PTPN1: variants seen among roughly 807,000 people sequenced by gnomAD.
PTPN1 encodes protein tyrosine phosphatase non-receptor type 1.
PTPN1 carries 12 observed loss-of-function variants against 59.9 expected under a neutral mutation model. That is an observed-to-expected ratio of 0.20 (90% confidence interval 0.13 to 0.32). The LOEUF (loss-of-function observed/expected upper bound fraction) is 0.32. Ranked by LOEUF, PTPN1 falls within the 10% of genes least tolerant of loss-of-function variation. PTPN1 has a pLI of 1.00. For synonymous variants in PTPN1, 178 were observed against 203.6 expected, an observed-to-expected ratio of 0.87 and a Z score of 1.07; for missense variants, 356 against 549.2, an observed-to-expected ratio of 0.65 and a Z score of 3.52.
At chr20:50,540,390 A>T (rs2082646064) in intron 1 of PTPN1, among the ~76,000 whole-genome samples, 1 of 152,214 alleles carries the variant, frequency 6.6e-6, no homozygotes, top group South Asian at 2.1e-4. Context: ...TTTAAACTTA[A>T]CAGAAAAATT....
intron 1 of PTPN1, among the ~76,000 whole-genome samples, chr20:50,552,311 T>G (rs762832913): frequency 4.6e-5 from 7 of 152,244 alleles, no homozygotes; most frequent in Admixed American, 3.3e-4. Flanking sequence ...CATATACCAT[T>G]CTAAAGTAGA....
intron 7 of PTPN1, 90 bp downstream of exon 7, chr20:50,579,419 G>T: frequency 7.1e-7 from 1 of 1,402,800 alleles, no homozygotes; most frequent in South Asian, 1.3e-5. Flanking sequence ...TTCAAACACC[G>T]TCTGGTGTCA....
intron 1 of PTPN1, among the ~76,000 whole-genome samples, chr20:50,545,799 T>G (rs1208482963): frequency 6.6e-6 from 1 of 152,018 alleles, no homozygotes; most frequent in Non-Finnish European, 1.5e-5. Flanking sequence ...GCAGATCGCT[T>G]GAGCCCAGGA....
At chr20:50,524,588 T>TTTTTTTG (rs2082565711) in intron 1 of PTPN1, among the ~76,000 whole-genome samples, 1 of 136,720 alleles carries the variant, frequency 7.3e-6, no homozygotes, top group Non-Finnish European at 1.6e-5. Context: ...TTTTTTTTTT[T>TTTTTTTG]TTTTTTGAGG....
chr20:50,541,922 A>G (rs1042419029), intron 1 of PTPN1, among the ~76,000 whole-genome samples: 8 of 152,080 alleles, frequency 5.3e-5, no homozygotes, highest in Non-Finnish European at 1.0e-4. Flanking sequence ...TTACTCCTAA[A>G]TTTGCTACTC....
intron 1 of PTPN1, among the ~76,000 whole-genome samples, chr20:50,525,589 A>G (rs2082571112): frequency 6.6e-6 from 1 of 150,664 alleles, no homozygotes; most frequent in Admixed American, 6.6e-5. Context: ...TGAGGATTAT[A>G]TACAGAAGTA....
intron 1 of PTPN1, among the ~76,000 whole-genome samples, chr20:50,556,636 A>C (rs532470792): frequency 2.0e-5 from 3 of 152,352 alleles, no homozygotes; most frequent in South Asian, 4.1e-4. Context: ...GGAGTCAAAT[A>C]GTACCGTAAT....
intron 1 of PTPN1, among the ~76,000 whole-genome samples, chr20:50,518,679 G>A (rs190933184): frequency 6.6e-6 from 1 of 152,156 alleles, no homozygotes; most frequent in Admixed American, 6.5e-5. Context: ...GAACTGAACT[G>A]TATCTTGACA....
chr20:50,557,297 C>T (rs777872096), intron 1 of PTPN1, among the ~76,000 whole-genome samples: 69 of 152,248 alleles, frequency 4.5e-4, no homozygotes, highest in Middle Eastern at 3.4e-3. Flanking sequence ...GTGGCACCAT[C>T]GTAGCTCACT....
intron 4 of PTPN1, among the ~76,000 whole-genome samples, chr20:50,569,327 T>G (rs2082794925): frequency 6.6e-6 from 1 of 152,236 alleles, no homozygotes; most frequent in South Asian, 2.1e-4. Flanking sequence ...GTTTTCTGTT[T>G]TTAGTTTCTT....
At chr20:50,560,053 C>G (rs543289036) in intron 1 of PTPN1, among the ~76,000 whole-genome samples, 1 of 152,172 alleles carries the variant, frequency 6.6e-6, no homozygotes, top group South Asian at 2.1e-4. Flanking sequence ...GTTGTGCATT[C>G]TGAGGATACC....
At chr20:50,542,375 G>A (rs984608001) in intron 1 of PTPN1, among the ~76,000 whole-genome samples, 6 of 152,160 alleles carry the variant, frequency 3.9e-5, no homozygotes, top group African/African-American at 1.4e-4. Flanking sequence ...CATTCTAATA[G>A]TGATTTTTTT....
chr20:50,563,641 A>C (rs1187512869), intron 2 of PTPN1, among the ~76,000 whole-genome samples: 4 of 152,210 alleles, frequency 2.6e-5, no homozygotes, highest in African/African-American at 9.7e-5. Context: ...GCTAGTTTTC[A>C]AAGACATCTC....
intron 5 of PTPN1, among the ~76,000 whole-genome samples, chr20:50,576,712 C>CAA (rs760227658): frequency 5.2e-5 from 7 of 134,724 alleles, no homozygotes; most frequent in Admixed American, 1.5e-4. Context: ...ACTAAAAATA[C>CAA]AAAAAAAAAA....
intron 4 of PTPN1, chr20:50,571,998 T>C (rs2082812109): frequency 6.6e-6 from 1 of 152,250 alleles, no homozygotes; most frequent in Non-Finnish European, 1.5e-5. Flanking sequence ...TGTTAAGAAT[T>C]ACTTACTTAG....
At chr20:50,514,112 CT>C (rs2082518812) in intron 1 of PTPN1, among the ~76,000 whole-genome samples, 1 of 152,150 alleles carries the variant, frequency 6.6e-6, no homozygotes, top group Admixed American at 6.5e-5. Context: ...AAGGAAAGAA[CT>C]TTTTGCTATT....
chr20:50,521,932 G>C (rs555454774), intron 1 of PTPN1, among the ~76,000 whole-genome samples: 3 of 152,154 alleles, frequency 2.0e-5, no homozygotes, highest in Non-Finnish European at 4.4e-5. Context: ...TGTCCTTGTC[G>C]GTGTACACTA....
rs184241278 is a variant in PTPN1 at position 50,530,635 on chromosome 20, C to G, written c.63+20045C>G. On this transcript the variant is annotated intron_variant, in intron 1 of 9. Coordinates refer to ENST00000371621, the MANE Select transcript of PTPN1 (RefSeq NM_002827.4). Reference sequence around the variant, plus strand: ...GCCTCCCAAAGTGCTGGGATTACAACTGCTGGGATTACAAGTGCTGGGATT... The same window carrying G: ...GCCTCCCAAAGTGCTGGGATTACAAGTGCTGGGATTACAAGTGCTGGGATT... 4.6e-5 allele frequency among the ~76,000 whole-genome samples: 7 copies of G among 151,946 alleles called. No homozygotes were observed. In the East Asian group the frequency reaches 1.4e-3, roughly 29 times the overall value.
At chr20:50,538,363 G>GA (rs1301548149) in intron 1 of PTPN1, among the ~76,000 whole-genome samples, 1 of 151,950 alleles carries the variant, frequency 6.6e-6, no homozygotes, top group Non-Finnish European at 1.5e-5. Flanking sequence ...AAGTCAGCTG[G>GA]AAAAAAAATG....
Sources: gnomAD v4.1 joint callset for allele counts (sites outside exome capture counted in the v4.1 genomes callset) on GRCh38, gnomAD v4.1.1 for gene constraint, MANE v1.5 for transcripts, NCBI Gene and HGNC (gene_info 2026-07-23, HGNC 2026-07-21) for gene names.